The following PCGF5 variants were observed in gnomAD, a reference collection of about 807,000 sequenced individuals.
PCGF5 encodes the protein polycomb group ring finger 5, also known as polycomb group RING finger protein 5.
A neutral mutation model predicts 44.3 loss-of-function variants in PCGF5; 9 were observed. The ratio of observed to expected loss-of-function variants is 0.20; its 90% confidence interval spans 0.12 to 0.35. PCGF5 has a LOEUF of 0.35. PCGF5 is among the 10% of genes least tolerant of loss of function. PCGF5 has a pLI of 1.00. For missense variants in PCGF5, 146 were observed against 305.3 expected (o/e 0.48, Z 3.89); for synonymous variants, 95 against 102.5 (o/e 0.93, Z 0.44).
intron 2 of PCGF5, among the ~76,000 whole-genome samples, chr10:91,226,088 T>C (rs1844827161): frequency 6.6e-6 from 1 of 152,048 alleles, no homozygotes. Flanking sequence ...TACAATGTTA[T>C]GATGCTACAA....
intron 3 of PCGF5, among the ~76,000 whole-genome samples, chr10:91,246,953 A>G (rs184538029): frequency 2.5e-5 from 3 of 117,650 alleles, no homozygotes; most frequent in African/African-American, 6.5e-5. Flanking sequence ...GCAGATAGAT[A>G]GATGGATAGA....
chr10:91,195,132 A>G (rs1276577436), intron 1 of PCGF5, among the ~76,000 whole-genome samples: 1 of 152,140 alleles, frequency 6.6e-6, no homozygotes, highest in African/African-American at 2.4e-5. Context: ...GAAATAGTCC[A>G]TCGGGAAATT....
chr10:91,186,234 T>C (rs903842680), intron 1 of PCGF5, among the ~76,000 whole-genome samples: 3 of 152,130 alleles, frequency 2.0e-5, no homozygotes, highest in African/African-American at 4.8e-5. Context: ...CTCACCTGGA[T>C]TTTGCCCCGA....
At position 91,283,785 on chromosome 10, in the gene PCGF5, A is replaced by T. The variant is rs1274572524; in HGVS notation, c.*5469A>T. 6.6e-6 allele frequency: 1 copy of T among 152,484 alleles called. No homozygotes were observed. Among genetic ancestry groups the T allele is most frequent in the Admixed American group, 6.5e-5 (1 of 15,280 alleles). The allele number at this position is 152,484 out of a possible 1,614,324, so 9.4% of individuals were successfully genotyped here. ...AGTTTTAAATAGAGTAGCCCTCACA[A>T]TCAAAATATCATAGAATATATTGTA... On this transcript the variant is annotated 3_prime_UTR_variant, in exon 10 of 10. Transcript: ENST00000336126.
upstream of PCGF5, among the ~76,000 whole-genome samples, chr10:91,160,988 T>C (rs1018782098): frequency 1.1e-4 from 16 of 152,220 alleles, no homozygotes; most frequent in Non-Finnish European, 2.1e-4. Flanking sequence ...TCTGTCATCT[T>C]GTCCACTGGC....
intron 1 of PCGF5, among the ~76,000 whole-genome samples, chr10:91,181,185 G>C (rs1165491797): frequency 6.6e-6 from 1 of 152,132 alleles, no homozygotes; most frequent in Non-Finnish European, 1.5e-5. Context: ...TTTTAGGCTA[G>C]TGATTTTTGC....
intron 6 of PCGF5, 64 bp from the exon 7 acceptor site, chr10:91,261,262 C>A: frequency 7.3e-7 from 1 of 1,373,856 alleles, no homozygotes; most frequent in East Asian, 2.7e-5. Flanking sequence ...ATGGTTTCAC[C>A]AGAAGCAAGA....
intron 8 of PCGF5, among the ~76,000 whole-genome samples, chr10:91,267,079 T>C (rs189878776): frequency 1.9e-3 from 288 of 152,188 alleles, no homozygotes; most frequent in African/African-American, 6.6e-3. Context: ...CCCCATACAG[T>C]CTTCCCCAGA....
intron 6 of PCGF5, among the ~76,000 whole-genome samples, chr10:91,253,202 G>A (rs1428900486): frequency 6.6e-6 from 1 of 151,890 alleles, no homozygotes. Flanking sequence ...TTTATTTTAG[G>A]TTCAGGAGGA....
At chr10:91,236,038 ACTG>A (rs1317643967) in intron 2 of PCGF5, among the ~76,000 whole-genome samples, 1 of 152,218 alleles carries the variant, frequency 6.6e-6, no homozygotes, top group Non-Finnish European at 1.5e-5. Flanking sequence ...TGATCATGCC[ACTG>A]CCCTCCAGCC....
Position 91,261,433 on chromosome 10 carries a change from A to G in PCGF5, c.573+9A>G. ...TTCCAAGTTCTTATGAGGTAAGTTA[A>G]ATAATATCTAAGCTTGATCATTTTG... On this transcript the variant is annotated intron_variant, in intron 7 of 9. Transcript: ENST00000336126. The G allele has an allele frequency of 7.0e-7, 1 of 1,438,640 alleles. No homozygotes were observed. The highest frequency in any genetic ancestry group is 2.4e-5 in the East Asian group (1 of 41,868). 89.1% of individuals were successfully genotyped at this position (1,438,640 alleles called of 1,614,324 possible). A position where few individuals can be genotyped will look rare whatever the true frequency, so the allele number is the denominator to read the frequency against.
At chr10:91,210,971 A>G (rs1363477156) in intron 1 of PCGF5, among the ~76,000 whole-genome samples, 1 of 152,248 alleles carries the variant, frequency 6.6e-6, no homozygotes, top group Non-Finnish European at 1.5e-5. Context: ...CAGAAGGACT[A>G]TAGTAGCATC....
At chr10:91,245,840 T>C (rs1350410849) in intron 3 of PCGF5, among the ~76,000 whole-genome samples, 1 of 151,970 alleles carries the variant, frequency 6.6e-6, no homozygotes, top group Non-Finnish European at 1.5e-5. Flanking sequence ...ATTTGGAGAG[T>C]TAGGGCGAGA....
Position 91,281,589 on chromosome 10 carries a change from G to C in PCGF5, c.*3273G>C, listed in dbSNP as rs1480467911. On this transcript the variant is annotated 3_prime_UTR_variant, in exon 10 of 10. Transcript: ENST00000336126. Reference sequence around the variant, plus strand: ...TTTGGAAGATTTTCATAAGAATATAGATATCACCAAAGACATTTTACAGTA... The same window carrying C: ...TTTGGAAGATTTTCATAAGAATATACATATCACCAAAGACATTTTACAGTA... 1 of 152,536 alleles carries C rather than the reference G, an allele frequency of 6.6e-6. No homozygotes were observed. Among genetic ancestry groups the C allele is most frequent in the African/African-American group, 2.4e-5 (1 of 41,430 alleles). 9.4% of individuals were successfully genotyped at this position (152,536 alleles called of 1,614,324 possible). A position where few individuals can be genotyped will look rare whatever the true frequency, so the allele number is the denominator to read the frequency against.
At position 91,221,869 on chromosome 10, in the gene PCGF5, G is replaced by A. The variant is rs182215454; in HGVS notation, c.-183-820G>A. Among the ~76,000 whole-genome samples the A allele has an allele frequency of 4.4e-3, 669 of 152,302 alleles. 8 individuals carry two copies. Among genetic ancestry groups the A allele is most frequent in the Non-Finnish European group, 3.8e-3 (261 of 68,010 alleles). On this transcript the variant is annotated intron_variant, in intron 1 of 9. Coordinates refer to ENST00000336126, the MANE Select transcript of PCGF5 (RefSeq NM_032373.5). ...CTATAAATCAAAATAAAAGGCAAAT[G>A]TAATAGGAAAGAAGTAAGCATTAAA...
upstream of PCGF5, among the ~76,000 whole-genome samples, chr10:91,159,569 G>A (rs1843355037): frequency 1.3e-5 from 2 of 152,308 alleles, no homozygotes; most frequent in South Asian, 4.1e-4. Context: ...TGACTGTGCT[G>A]GCACTCTGAT....
chr10:91,197,670 A>G (rs1483161609), intron 1 of PCGF5, among the ~76,000 whole-genome samples: 3 of 150,348 alleles, frequency 2.0e-5, no homozygotes, highest in Non-Finnish European at 3.0e-5. Context: ...CAGAGGGAAA[A>G]TGGGTTTCTT....
At chr10:91,227,475 C>G (rs1448147818) in intron 2 of PCGF5, 1 of 1,281,782 alleles carries the variant, frequency 7.8e-7, no homozygotes, top group Non-Finnish European at 1.0e-6. Flanking sequence ...TTTACCCTCA[C>G]TAACAAAACT....
intron 1 of PCGF5, among the ~76,000 whole-genome samples, chr10:91,183,522 T>A (rs1843861120): frequency 6.6e-6 from 1 of 152,196 alleles, no homozygotes; most frequent in Non-Finnish European, 1.5e-5. Context: ...TTTCTCCAGC[T>A]TGCCATTCTG....
Sources: gnomAD v4.1 joint callset for allele counts (sites outside exome capture counted in the v4.1 genomes callset) on GRCh38, gnomAD v4.1.1 for gene constraint, MANE v1.5 for transcripts, NCBI Gene and HGNC (gene_info 2026-07-23, HGNC 2026-07-21) for gene names.